The following GALNT17 variants were observed in gnomAD, a reference collection of about 807,000 sequenced individuals.
The protein encoded by GALNT17 is polypeptide N-acetylgalactosaminyltransferase 17.
GALNT17 carries 29 observed loss-of-function variants against 63.7 expected under a neutral mutation model. The observed-to-expected ratio is 0.46, with a 90% CI of 0.34 to 0.62. The LOEUF (loss-of-function observed/expected upper bound fraction) is 0.62. Ranked by LOEUF, GALNT17 falls within the 20% of genes least tolerant of loss-of-function variation. The pLI is 0.01. For missense variants in GALNT17, 603 were observed against 799.6 expected, an observed-to-expected ratio of 0.75 and a Z score of 2.97; for synonymous variants, 305 against 318.3, an observed-to-expected ratio of 0.96 and a Z score of 0.45.
chr7:71,143,248 CCTGTCT>C (rs1290262211), intron 1 of GALNT17, among the ~76,000 whole-genome samples: 1 of 151,580 alleles, frequency 6.6e-6, no homozygotes, highest in Non-Finnish European at 1.5e-5. Flanking sequence ...ACAGCGAAAC[CCTGTCT>C]CTACTAAAAG....
chr7:71,600,298 AT>A (rs781501902), intron 6 of GALNT17, among the ~76,000 whole-genome samples: 1 of 150,744 alleles, frequency 6.6e-6, no homozygotes, highest in Non-Finnish European at 1.5e-5. Flanking sequence ...GGGGATGATA[AT>A]AAAAAAAAAA....
chr7:71,668,860 A>T (rs1403503530), intron 7 of GALNT17, among the ~76,000 whole-genome samples: 1 of 152,216 alleles, frequency 6.6e-6, no homozygotes, highest in Non-Finnish European at 1.5e-5. Context: ...GAACATCATT[A>T]CAAGCTTTGC....
At chr7:71,346,627 C>T (rs1409147105) in intron 2 of GALNT17, among the ~76,000 whole-genome samples, 1 of 152,034 alleles carries the variant, frequency 6.6e-6, no homozygotes, top group Non-Finnish European at 1.5e-5. Context: ...CCCACATCAA[C>T]TGCCTAACCT....
chr7:71,282,866 G>T (rs1012064314), intron 1 of GALNT17, among the ~76,000 whole-genome samples: 3 of 152,058 alleles, frequency 2.0e-5, no homozygotes, highest in African/African-American at 4.8e-5. Context: ...AAGGGATGGA[G>T]AATTCGCTAG....
intron 5 of GALNT17, among the ~76,000 whole-genome samples, chr7:71,483,468 C>A (rs1340628648): frequency 6.6e-6 from 1 of 151,292 alleles, no homozygotes; most frequent in African/African-American, 2.4e-5. Flanking sequence ...AGACTCCTTC[C>A]AAAAATAAAA....
At chr7:71,133,141 G>A (rs1425721898) in intron 1 of GALNT17, 101 bp downstream of exon 1, 1 of 1,063,286 alleles carries the variant, frequency 9.4e-7, no homozygotes, top group Non-Finnish European at 1.3e-6. Flanking sequence ...CTGGGAGCCG[G>A]CACACCCTGG....
intron 6 of GALNT17, among the ~76,000 whole-genome samples, chr7:71,616,864 A>G (rs146264239): frequency 0.012 from 1,684 of 143,008 alleles, 41 homozygotes; most frequent in African/African-American, 0.04. Context: ...ATTATATTAT[A>G]AAAGTATACA....
chr7:71,312,632 C>T (rs1791430835), intron 1 of GALNT17, among the ~76,000 whole-genome samples: 1 of 152,112 alleles, frequency 6.6e-6, no homozygotes, highest in African/African-American at 2.4e-5. Flanking sequence ...CCTTCTCACT[C>T]CCTCTTCACA....
chr7:71,419,504 A>G (rs1456780276), intron 4 of GALNT17, among the ~76,000 whole-genome samples: 1 of 152,232 alleles, frequency 6.6e-6, no homozygotes, highest in Non-Finnish European at 1.5e-5. Context: ...ATTCGTGTTC[A>G]GAGTTGATTA....
chr7:71,192,261 C>CCCA (rs1027029358), intron 1 of GALNT17, among the ~76,000 whole-genome samples: 1 of 152,168 alleles, frequency 6.6e-6, no homozygotes, highest in Non-Finnish European at 1.5e-5. Context: ...GTCTGTCTCT[C>CCCA]CCAGTCCACT....
At position 71,396,655 on chromosome 7, in the gene GALNT17, T is replaced by C. The variant is rs527248038; in HGVS notation, c.589+8254T>C. On this transcript the variant is annotated intron_variant, in intron 3 of 10. Coordinates refer to ENST00000333538, the MANE Select transcript of GALNT17 (RefSeq NM_022479.3). ...CCAGCTTGAACATTTCTCTGAGAAATAGCTGTTAGAATTTTGTTGGGATTG... is the reference window on the plus strand; with the variant it reads ...CCAGCTTGAACATTTCTCTGAGAAACAGCTGTTAGAATTTTGTTGGGATTG... Among the ~76,000 whole-genome samples, 8 of 152,292 alleles carry C rather than the reference T, an allele frequency of 5.3e-5. No homozygotes were observed. The South Asian group carries it at 1.7e-3, about 32-fold the overall frequency.
At chr7:71,693,291 C>CATATAT in intron 9 of GALNT17, among the ~76,000 whole-genome samples, 1 of 121,708 alleles carries the variant, frequency 8.2e-6, no homozygotes, top group South Asian at 4.4e-4. Context: ...CACACACACA[C>CATATAT]ACACACACAC....
intron 6 of GALNT17, among the ~76,000 whole-genome samples, chr7:71,592,604 T>TA (rs373519391): frequency 3.2e-4 from 47 of 147,148 alleles, no homozygotes; most frequent in African/African-American, 5.5e-4. Context: ...TAAAATAAAA[T>TA]AAATAAAGCA....
chr7:71,496,770 G>A (rs564279684), intron 5 of GALNT17, among the ~76,000 whole-genome samples: 21 of 151,956 alleles, frequency 1.4e-4, no homozygotes, highest in Non-Finnish European at 1.3e-4. Context: ...AATGACCTGG[G>A]CCGGATGGGG....
At chr7:71,628,188 T>C (rs998873553) in intron 6 of GALNT17, among the ~76,000 whole-genome samples, 6 of 152,106 alleles carry the variant, frequency 3.9e-5, no homozygotes, top group Non-Finnish European at 8.8e-5. Flanking sequence ...AATGATACTT[T>C]TATAAAATAT....
chr7:71,244,473 C>T (rs1481416627), intron 1 of GALNT17, among the ~76,000 whole-genome samples: 3 of 152,176 alleles, frequency 2.0e-5, no homozygotes, highest in Non-Finnish European at 4.4e-5. Context: ...TGAACCTCAA[C>T]TCTGCCCTTT....
intron 2 of GALNT17, among the ~76,000 whole-genome samples, chr7:71,387,241 A>C (rs1792962301): frequency 7.0e-6 from 1 of 142,956 alleles, no homozygotes; most frequent in Non-Finnish European, 1.5e-5. Context: ...ATGGCAAAAA[A>C]GTACTTTTAA....
intron 2 of GALNT17, among the ~76,000 whole-genome samples, chr7:71,352,414 T>C (rs10271589): frequency 0.3 from 45,602 of 152,002 alleles, 7,012 homozygotes; most frequent in East Asian, 0.48. Context: ...ATGGTGGAGG[T>C]CATCAAGGAA....
chr7:71,352,645 T>C (rs1027922847), intron 2 of GALNT17, among the ~76,000 whole-genome samples: 2 of 152,134 alleles, frequency 1.3e-5, no homozygotes, highest in Non-Finnish European at 1.5e-5. Flanking sequence ...AGATAGACCT[T>C]TGAAGGCATC....
Sources: gnomAD v4.1 joint callset for allele counts (sites outside exome capture counted in the v4.1 genomes callset) on GRCh38, gnomAD v4.1.1 for gene constraint, MANE v1.5 for transcripts, NCBI Gene and HGNC (gene_info 2026-07-23, HGNC 2026-07-21) for gene names.